Variants in TTN observed in about 807,000 individuals in gnomAD.
TTN encodes connectin.
In TTN, 1,525 loss-of-function variants were observed where a neutral mutation model predicts 3,223.0. That is an observed-to-expected ratio of 0.47 (90% CI 0.45 to 0.49). The LOEUF (loss-of-function observed/expected upper bound fraction) is 0.49, where lower values mean the gene tolerates loss of function less well. Among genes scored for constraint, TTN ranks in the 20% least tolerant of loss-of-function variants. TTN has a pLI of 0.00. For synonymous variants in TTN, 14,094 were observed against 15,161.0 expected (o/e 0.93, Z 5.17); for missense variants, 40,786 against 43,424.0 (o/e 0.94, Z 5.40).
chr2:178,633,816 C>T lies in TTN; in HGVS notation c.42682+1G>A, dbSNP rs1180968002. The T allele has an allele frequency of 1.9e-6, 3 of 1,612,658 alleles. No individual in the cohort carries two copies. The highest frequency in any genetic ancestry group is 2.5e-6 in the Non-Finnish European group (3 of 1,179,508). On this transcript the variant is annotated splice_donor_variant, in intron 231 of 362. Transcript: ENST00000589042. LOFTEE classifies it high-confidence loss of function. ...ATCTGGTTATACTTGGTTACATTTA[C>T]CTAAGACCTTCAGCTGTGCTGTGGA...
Position 178,547,301 on chromosome 2 carries a change from TG to T in TTN, c.94223del (p.Pro31408HisfsTer49). ...APIIAEHPFV[P>X]PSAPTRPEVY... The stretch of plus-strand genomic sequence containing the variant: ...CCTCAGGTCTGGTAGGAGCGCTTGG[TG>T]GGACTAAATATAAACAAAGGTATTA... On this transcript the variant is annotated frameshift_variant, in exon 340 of 363. Transcript: ENST00000589042. LOFTEE classifies it high-confidence loss of function. 6.2e-7 allele frequency: 1 copy of T among 1,603,288 alleles called. No individual in the cohort carries two copies. Among genetic ancestry groups the T allele is most frequent in the South Asian group, 1.1e-5 (1 of 89,594 alleles).
chr2:178,757,209 C>A, intron 45 of TTN, among the ~76,000 whole-genome samples: 1 of 152,020 alleles, frequency 6.6e-6, no homozygotes, highest in South Asian at 2.1e-4. Context: ...ACTGTACTTA[C>A]TTTAAGTACA....
rs1371317611 is a variant in TTN at position 178,651,498 on chromosome 2, C to T, written c.39502G>A (p.Val13168Met). ...GGCTTTTTGGGAACCACCAGAGGCA[C>T]CTTCTTTTCAGGAACAACCTCCTTG... ...VPKEVVPEKK[V>M]PLVVPKKPEA... The change falls in exon 207 of 363, where the codon GTG becomes ATG. Residue 13168 changes from valine to methionine, a missense_variant. By Grantham distance (21) the Val-to-Met change is conservative. Transcript: ENST00000589042. 3.1e-6 allele frequency: 5 copies of T among 1,612,850 alleles called. No homozygotes were observed. The highest frequency in any genetic ancestry group is 3.4e-6 in the Non-Finnish European group (4 of 1,179,506).
Position 178,591,225 on chromosome 2 carries a change from G to C in TTN, c.60500C>G (p.Thr20167Ser), listed in dbSNP as rs2050127510. 1.2e-6 allele frequency: 2 copies of C among 1,613,416 alleles called. No individual in the cohort carries two copies. Among genetic ancestry groups the C allele is most frequent in the Non-Finnish European group, 1.7e-6 (2 of 1,179,552 alleles). ...AGSKTVAVHL[T>S]VLDVPGPPTG... ...TGGTGGCCCAGGAACATCAAGAACA[G>C]TAAGATGTACGGCTACTGTTTTGCT... is the stretch of plus-strand genomic sequence containing the variant. Residue 20167 changes from threonine to serine, a missense_variant, in exon 304 of 363, where the codon ACT becomes AGT. Physicochemically the swap from Thr to Ser is moderately conservative, Grantham distance 58. Transcript: ENST00000589042.
rs1406753487 is a variant in TTN at position 178,573,999 on chromosome 2, C to T, written c.72133G>A (p.Glu24045Lys). 4 of 1,613,398 alleles carry T rather than the reference C, an allele frequency of 2.5e-6. No individual in the cohort carries two copies. The highest frequency in any genetic ancestry group is 2.2e-5 in the South Asian group (2 of 91,070). Residue 24045 changes from glutamate (E) to lysine (K), a missense_variant, in exon 326 of 363, where the codon GAA (glutamate) becomes AAA (lysine). Physicochemically the swap from Glu to Lys is moderately conservative, Grantham distance 56. Coordinates refer to ENST00000589042, the MANE Select transcript of TTN (RefSeq NM_001267550.2). ...ACATCAGCTTCCAGTCTGAATGCTT[C>T]ACCTGCTTTTAATATAACCGTGTCC... is the stretch of plus-strand genomic sequence containing the variant. ...FKDTVILKAG[E>K]AFRLEADVSG...
At chr2:178,724,628 A>T (rs776628865) in intron 71 of TTN, 90 bp from the exon 72 acceptor site, 13 of 1,368,266 alleles carry the variant, frequency 9.5e-6, no homozygotes, top group Non-Finnish European at 1.2e-5. Flanking sequence ...TCTCCCAGTG[A>T]GATGGTTATG....
rs749818939 is a variant in TTN at position 178,773,248 on chromosome 2, G to C, written c.7716C>G (p.Ile2572Met). 5 of 1,613,830 alleles carry C rather than the reference G, an allele frequency of 3.1e-6. No individual in the cohort carries two copies. The South Asian group carries it at 5.5e-5, about 18-fold the overall frequency. The change falls in exon 33 of 363, where the codon ATC becomes ATG. Residue 2572 changes from isoleucine (I) to methionine (M), a missense_variant. By Grantham distance (10) the Ile-to-Met change is conservative. Coordinates refer to ENST00000589042, the MANE Select transcript of TTN (RefSeq NM_001267550.2). The part of the protein sequence containing the change: ...DVLWNFKDKE[I>M]KPSSKYKIEA... Reference sequence around the variant, plus strand: ...CAATTTTATATTTAGAACTGGGCTTGATTTCCTTGTCCTTAAAATTCCACA... The same window carrying C: ...CAATTTTATATTTAGAACTGGGCTTCATTTCCTTGTCCTTAAAATTCCACA...
chr2:178,570,151 T>G lies in TTN; in HGVS notation c.75981A>C (p.Arg25327Ser). 1 of 1,613,504 alleles carries G rather than the reference T, an allele frequency of 6.2e-7. No homozygotes were observed. Among genetic ancestry groups the G allele is most frequent in the Non-Finnish European group, 8.5e-7 (1 of 1,179,618 alleles). The change falls in exon 326 of 363, where the codon AGA (arginine) becomes AGC (serine). Residue 25327 changes from arginine to serine, a missense_variant. By Grantham distance (110) the Arg-to-Ser change is moderately radical (BLOSUM62 -1). Transcript: ENST00000589042. Reference sequence around the variant, plus strand: ...TTTCACTACCACCATCAGATGCTGGTCTTTCCCATACAACAATCATTGAGT... The same window carrying G: ...TTTCACTACCACCATCAGATGCTGGGCTTTCCCATACAACAATCATTGAGT... ...TKDSMIVVWE[R>S]PASDGGSEIL...
rs375309644 is a variant in TTN, at chr2:178,773,516, G to T, written c.7540C>A (p.Pro2514Thr). The T allele has an allele frequency of 1.2e-6, 2 of 1,613,880 alleles. No individual in the cohort carries two copies. The highest frequency in any genetic ancestry group is 1.3e-5 in the African/African-American group (1 of 74,884). The change falls in exon 32 of 363, where the codon CCT (proline) becomes ACT (threonine). Residue 2514 changes from proline (P) to threonine (T), a missense_variant. Pro to Thr is a conservative substitution (Grantham distance 38). Transcript: ENST00000589042. ...ACTCTGCCAACTATCAGCTTGTAAG[G>T]TCCTTCGTCTGAAGCATGAGTTCGG... Reference protein sequence around the residue: ...INRTHASDEGPYKLIVGRVET... With the variant: ...INRTHASDEGTYKLIVGRVET...
rs2154264845 is a variant in TTN, at chr2:178,671,965, C to T, written c.35227+6G>A. ...GAATTTGTAGTATTTGAAGAATTCCCTATACCTTTAGGTGGAGCTTTTGGT... is the reference window on the plus strand; with the variant it reads ...GAATTTGTAGTATTTGAAGAATTCCTTATACCTTTAGGTGGAGCTTTTGGT... On this transcript the variant is annotated splice_donor_region_variant and intron_variant, in intron 155 of 362. Coordinates refer to ENST00000589042, the MANE Select transcript of TTN (RefSeq NM_001267550.2). The T allele has an allele frequency of 6.3e-7, 1 of 1,589,856 alleles. No individual in the cohort carries two copies. The highest frequency in any genetic ancestry group is 8.5e-7 in the Non-Finnish European group (1 of 1,173,890).
Position 178,605,235 on chromosome 2 carries a change from C to T in TTN, c.53942G>A (p.Gly17981Glu). Residue 17981 changes from glycine to glutamate, a missense_variant, in exon 280 of 363, where the codon GGA becomes GAA. Gly to Glu is a moderately conservative substitution (Grantham distance 98). Transcript: ENST00000589042. Reference protein sequence around the residue: ...VRGDTIKVKAGEPVHIPADVT... With the variant: ...VRGDTIKVKAEEPVHIPADVT... Reference sequence around the variant, plus strand: ...ATCTGCAGGGATGTGGACAGGCTCTCCTGCCTTAACTTTGATAGTGTCTCC... The same window carrying T: ...ATCTGCAGGGATGTGGACAGGCTCTTCTGCCTTAACTTTGATAGTGTCTCC... 1 of 1,610,272 alleles carries T rather than the reference C, an allele frequency of 6.2e-7. No individual in the cohort carries two copies. Among genetic ancestry groups the T allele is most frequent in the South Asian group, 1.1e-5 (1 of 90,692 alleles).
chr2:178,702,533 T>C lies in TTN; in HGVS notation c.30354A>G (p.Thr10118=). The change falls in exon 107 of 363, where the codon ACA becomes ACG. Residue 10118 remains threonine (T), a synonymous_variant. Coordinates refer to ENST00000589042, the MANE Select transcript of TTN (RefSeq NM_001267550.2). ...TCCTGAAGTTGTATTTCTGGCTCTC[T>C]GTCAGTTCTGTTGGTCCTTTGTACC... ...VTWYKGPTEL[T]ESQKYNFRND... 1 of 1,613,996 alleles carries C rather than the reference T, an allele frequency of 6.2e-7. No homozygotes were observed.
intron 109 of TTN, 25 bp from the exon 110 acceptor site, chr2:178,701,612 TAG>T (rs1485139420): frequency 4.4e-6 from 7 of 1,608,056 alleles, no homozygotes; most frequent in Non-Finnish European, 6.0e-6. Flanking sequence ...GTAATAAGCA[TAG>T]AGAGACTGAG....
At chr2:178,743,624 T>A (rs972962777) in intron 47 of TTN, among the ~76,000 whole-genome samples, 8 of 151,970 alleles carry the variant, frequency 5.3e-5, no homozygotes, top group Admixed American at 2.6e-4. Flanking sequence ...TCTCTCTTTC[T>A]CTTTTTTTAA....
chr2:178,695,533 G>T, intron 114 of TTN, 123 bp from the exon 115 acceptor site: 1 of 734,456 alleles, frequency 1.4e-6, no homozygotes. Flanking sequence ...ATTTGGGATC[G>T]TTATTACCAA....
Position 178,590,634 on chromosome 2 carries a change from T to G in TTN, c.61091A>C (p.Lys20364Thr). ...SKPSPSSDPI[K>T]ACRPIKPPGP... ...AGGTGGTTTGATGGGCCGGCAAGCT[T>G]TTATTGGATCAGAACTTGGGGATGG... is the stretch of plus-strand genomic sequence containing the variant. Residue 20364 changes from lysine (K) to threonine (T), a missense_variant, in exon 304 of 363, where the codon AAA becomes ACA. By Grantham distance (78) the Lys-to-Thr change is moderately conservative. Transcript: ENST00000589042. 1 of 1,613,128 alleles carries G rather than the reference T, an allele frequency of 6.2e-7. No individual in the cohort carries two copies. The highest frequency in any genetic ancestry group is 8.5e-7 in the Non-Finnish European group (1 of 1,179,386).
chr2:178,714,890 G>T (rs2077232383), intron 90 of TTN, 96 bp downstream of exon 90: 1 of 1,453,036 alleles, frequency 6.9e-7, no homozygotes. Context: ...AGTGGAATAG[G>T]CTGCTAGTGA....
intron 47 of TTN, chr2:178,748,860 C>T (rs752102866): frequency 1.9e-6 from 3 of 1,612,294 alleles, no homozygotes; most frequent in South Asian, 2.2e-5. Context: ...ATTTTCTCTG[C>T]CTGATACATA....
intron 20 of TTN, 124 bp from the exon 21 acceptor site, chr2:178,781,387 G>A: frequency 1.9e-6 from 2 of 1,075,896 alleles, no homozygotes; most frequent in East Asian, 2.6e-5. Flanking sequence ...ATATGACTAA[G>A]CTCCACAATA....
Sources: gnomAD v4.1 joint callset for allele counts (sites outside exome capture counted in the v4.1 genomes callset) on GRCh38, gnomAD v4.1.1 for gene constraint, MANE v1.5 for transcripts, NCBI Gene and HGNC (gene_info 2026-07-23, HGNC 2026-07-21) for gene names.